ZNF718: variants seen among roughly 807,000 people sequenced by gnomAD.
ZNF718 encodes zinc finger protein 718.
Under a neutral mutation model 2.6 loss-of-function variants are expected in ZNF718, and 3 were observed. That is an observed-to-expected ratio of 1.16 (90% confidence interval 0.53 to 3.01). The LOEUF is 3.01. ZNF718 is among the 30% of genes most tolerant of loss of function. The pLI is 0.03. For synonymous variants in ZNF718, 135 were observed against 77.9 expected (o/e 1.73, Z -3.86); for missense variants, 468 against 230.0 (o/e 2.03, Z -6.69).
intron 3 of ZNF718, among the ~76,000 whole-genome samples, chr4:188,798 G>T (rs1002122035): frequency 2.6e-4 from 39 of 152,116 alleles, no homozygotes; most frequent in African/African-American, 9.2e-4. Flanking sequence ...CCCTATTCTT[G>T]GCTGGGGCTG....
intron 3 of ZNF718, among the ~76,000 whole-genome samples, chr4:148,224 G>T (rs1581442300): frequency 6.6e-6 from 1 of 152,122 alleles, no homozygotes; most frequent in East Asian, 1.9e-4. Flanking sequence ...CATGCCTATA[G>T]GTGTGCTTTT....
chr4:153,298 C>T lies in ZNF718; in HGVS notation c.227-7614C>T, dbSNP rs78202600. Among the ~76,000 whole-genome samples, 1,044 of 152,172 alleles carry T rather than the reference C, an allele frequency of 6.9e-3. 12 individuals carry two copies. The highest frequency in any genetic ancestry group is 0.024 in the African/African-American group (985 of 41,528). On this transcript the variant is annotated intron_variant, in intron 3 of 3. Coordinates refer to ENST00000510175, the MANE Select transcript of ZNF718 (RefSeq NM_001039127.6). Reference sequence around the variant, plus strand: ...TGTCTATTTTTATGCCAGAATCATGCTCCTTTGCTTATTGTAGCTTTATAT... The same window carrying T: ...TGTCTATTTTTATGCCAGAATCATGTTCCTTTGCTTATTGTAGCTTTATAT...
chr4:152,449 G>A (rs1716369697), intron 3 of ZNF718, among the ~76,000 whole-genome samples: 1 of 134,904 alleles, frequency 7.4e-6, no homozygotes, highest in African/African-American at 2.8e-5. Context: ...TTGAGATTAG[G>A]GAGTGGTGAT....
intron 3 of ZNF718, among the ~76,000 whole-genome samples, chr4:188,687 C>T (rs149946411): frequency 6.6e-6 from 1 of 152,178 alleles, no homozygotes; most frequent in Non-Finnish European, 1.5e-5. Context: ...GTGTCAGGCC[C>T]AAGGCCCTGG....
intron 3 of ZNF718, among the ~76,000 whole-genome samples, chr4:138,622 T>C (rs986033360): frequency 1.3e-5 from 2 of 152,152 alleles, no homozygotes; most frequent in Non-Finnish European, 2.9e-5. Flanking sequence ...TGTCCTGATT[T>C]CCTTTCTTTT....
chr4:135,284 G>T (rs550420307), intron 3 of ZNF718, among the ~76,000 whole-genome samples: 3 of 150,710 alleles, frequency 2.0e-5, no homozygotes, highest in African/African-American at 7.3e-5. Context: ...TTTAGGACAC[G>T]TGCCCCTGAC....
intron 3 of ZNF718, among the ~76,000 whole-genome samples, chr4:151,633 A>G (rs1286951358): frequency 2.0e-5 from 3 of 152,128 alleles, no homozygotes; most frequent in East Asian, 1.9e-4. Flanking sequence ...GGTGCCCACC[A>G]TCATGCCGTA....
At chr4:140,856 TA>T in intron 3 of ZNF718, among the ~76,000 whole-genome samples, 1 of 152,368 alleles carries the variant, frequency 6.6e-6, no homozygotes, top group Non-Finnish European at 1.5e-5. Context: ...TGACTTAAAG[TA>T]TAACTTTACT....
At chr4:191,966 G>A (rs183373428) in intron 3 of ZNF718, among the ~76,000 whole-genome samples, 2 of 152,288 alleles carry the variant, frequency 1.3e-5, no homozygotes, top group East Asian at 1.9e-4. Context: ...GAAGAGAACC[G>A]TGGAACCCAG....
At chr4:126,401 C>T (rs781894385) in intron 1 of ZNF718, among the ~76,000 whole-genome samples, 1 of 152,070 alleles carries the variant, frequency 6.6e-6, no homozygotes, top group African/African-American at 2.4e-5. Flanking sequence ...TTAAATAGGT[C>T]ATTTGTCTTT....
At chr4:190,766 C>T (rs1424846052) in intron 3 of ZNF718, among the ~76,000 whole-genome samples, 3 of 152,030 alleles carry the variant, frequency 2.0e-5, no homozygotes, top group Admixed American at 6.5e-5. Flanking sequence ...TTCAACTGAG[C>T]GTGGTGGCTC....
At position 161,483 on chromosome 4, in the gene ZNF718, A is replaced by G. The variant is rs1252180363; in HGVS notation, c.798A>G (p.Gln266=). ...ICEKCGKAFN[Q]SSTLNLHKRI... is the part of the protein sequence containing the mutation. ...AAAAATGTGGTAAAGCTTTTAACCAATCCTCAACCCTTAATTTACATAAGA... is the reference window on the plus strand; with the variant it reads ...AAAAATGTGGTAAAGCTTTTAACCAGTCCTCAACCCTTAATTTACATAAGA... The change falls in exon 4 of 4, where the codon CAA becomes CAG. Residue 266 remains glutamine, a synonymous_variant. Coordinates refer to ENST00000510175, the MANE Select transcript of ZNF718 (RefSeq NM_001039127.6). 10 of 776,110 alleles carry G rather than the reference A, an allele frequency of 1.3e-5. No individual in the cohort carries two copies. Among genetic ancestry groups the G allele is most frequent in the African/African-American group, 5.1e-5 (3 of 58,878 alleles). The allele number at this position is 776,110 out of a possible 1,614,324, so 48.1% of individuals were successfully genotyped here. A position where few individuals can be genotyped will look rare whatever the true frequency, so the allele number is the denominator to read the frequency against.
intron 3 of ZNF718, among the ~76,000 whole-genome samples, chr4:191,002 G>A (rs1354453987): frequency 6.6e-6 from 1 of 151,922 alleles, no homozygotes; most frequent in Non-Finnish European, 1.5e-5. Flanking sequence ...TCGTGCCACT[G>A]CACTCCAGCC....
intron 3 of ZNF718, among the ~76,000 whole-genome samples, chr4:144,626 T>C (rs1301945811): frequency 5.9e-5 from 9 of 152,228 alleles, no homozygotes; most frequent in African/African-American, 2.2e-4. Context: ...ATACTGATCC[T>C]TCCTATTCAT....
At chr4:136,497 T>C (rs1715579018) in intron 3 of ZNF718, 1 of 524,050 alleles carries the variant, frequency 1.9e-6, no homozygotes, top group Non-Finnish European at 3.8e-6. Context: ...CCAAGCTTAG[T>C]GTGCCATGTT....
At chr4:152,096 G>C (rs1716349847) in intron 3 of ZNF718, among the ~76,000 whole-genome samples, 1 of 147,066 alleles carries the variant, frequency 6.8e-6, no homozygotes, top group South Asian at 2.2e-4. Context: ...TTACAAAGCA[G>C]TATTGCTGCC....
chr4:186,385 G>T (rs1560131802), intron 3 of ZNF718, among the ~76,000 whole-genome samples: 1 of 151,978 alleles, frequency 6.6e-6, no homozygotes, highest in Admixed American at 6.6e-5. Flanking sequence ...TTTGTAGGTG[G>T]CCTGACCATT....
At chr4:155,229 TG>T (rs1716510546) in intron 3 of ZNF718, among the ~76,000 whole-genome samples, 1 of 152,194 alleles carries the variant, frequency 6.6e-6, no homozygotes, top group African/African-American at 2.4e-5. Flanking sequence ...AAGGGAAATG[TG>T]GGGTTGGAGC....
chr4:199,103 T>C (rs1717847870), intron 3 of ZNF718, among the ~76,000 whole-genome samples: 1 of 152,212 alleles, frequency 6.6e-6, no homozygotes, highest in Admixed American at 6.5e-5. Flanking sequence ...CAAGGCAAGC[T>C]GGCTGGGTTT....
Sources: allele counts gnomAD v4.1 joint callset (sites outside exome capture counted in the v4.1 genomes callset), GRCh38; gene constraint gnomAD v4.1.1; transcripts MANE v1.5; gene names NCBI Gene and HGNC (gene_info 2026-07-23, HGNC 2026-07-21).